OSBPL1A: variants seen among roughly 807,000 people sequenced by gnomAD.
The protein encoded by OSBPL1A is oxysterol binding protein like 1A.
A neutral mutation model predicts 137.1 loss-of-function variants in OSBPL1A; 80 were observed. The observed-to-expected ratio is 0.58, with a 90% confidence interval of 0.49 to 0.70. The LOEUF (loss-of-function observed/expected upper bound fraction) is 0.70, where lower values mean the gene tolerates loss of function less well. Among genes scored for constraint, OSBPL1A ranks in the 30% least tolerant of loss-of-function variants. The pLI, the probability that OSBPL1A is intolerant of heterozygous loss-of-function variation, is 0.00. For missense variants in OSBPL1A, 970 were observed against 1,129.4 expected (o/e 0.86, Z 2.02); for synonymous variants, 365 against 389.7 (o/e 0.94, Z 0.75).
chr18:24,264,180 C>T (rs1390004878), intron 15 of OSBPL1A, among the ~76,000 whole-genome samples: 1 of 152,076 alleles, frequency 6.6e-6, no homozygotes, highest in East Asian at 1.9e-4. Flanking sequence ...AACCACAAAC[C>T]AGGCTTTGAA....
intron 16 of OSBPL1A, among the ~76,000 whole-genome samples, chr18:24,231,009 C>T (rs557191487): frequency 2.0e-5 from 3 of 152,172 alleles, no homozygotes; most frequent in East Asian, 1.9e-4. Context: ...CACAGCTGCT[C>T]GGCAGGCTGA....
At chr18:24,275,151 T>C (rs1220330590) in intron 15 of OSBPL1A, among the ~76,000 whole-genome samples, 1 of 151,852 alleles carries the variant, frequency 6.6e-6, no homozygotes, top group Admixed American at 6.6e-5. Flanking sequence ...ACAGAAAGTA[T>C]CACATTTTCA....
chr18:24,328,447 A>G (rs2091019155), intron 7 of OSBPL1A, among the ~76,000 whole-genome samples: 1 of 151,952 alleles, frequency 6.6e-6, no homozygotes, highest in African/African-American at 2.4e-5. Context: ...GTCGAAAATT[A>G]AATCACCATA....
intron 4 of OSBPL1A, among the ~76,000 whole-genome samples, chr18:24,359,165 C>T (rs2091583123): frequency 6.6e-6 from 1 of 151,944 alleles, no homozygotes; most frequent in South Asian, 2.1e-4. Context: ...TTGCAGTGAG[C>T]TGAGATTGCA....
chr18:24,382,579 A>T (rs896530402), intron 1 of OSBPL1A, among the ~76,000 whole-genome samples: 3 of 151,666 alleles, frequency 2.0e-5, no homozygotes, highest in African/African-American at 2.4e-5. Flanking sequence ...TCTCAAAAAA[A>T]TTTTTTTTAA....
intron 2 of OSBPL1A, among the ~76,000 whole-genome samples, chr18:24,370,197 G>A (rs1905513958): frequency 6.6e-6 from 1 of 152,108 alleles, no homozygotes; most frequent in African/African-American, 2.4e-5. Flanking sequence ...TTCCAGCCTG[G>A]ACAACAAAGC....
At chr18:24,383,127 G>T (rs1173658730) in intron 1 of OSBPL1A, among the ~76,000 whole-genome samples, 1 of 141,096 alleles carries the variant, frequency 7.1e-6, no homozygotes, top group Non-Finnish European at 1.5e-5. Context: ...CACTATAAAG[G>T]CATTTTATAA....
chr18:24,314,400 C>T, intron 11 of OSBPL1A, 53 bp from the exon 12 acceptor site: 1 of 1,169,430 alleles, frequency 8.6e-7, no homozygotes. Flanking sequence ...AAAGAGGACC[C>T]TAAAATTATC....
Position 24,178,178 on chromosome 18 carries a change from C to CAATTCAATAAGTAGATTTATTTTT in OSBPL1A, c.1927_1928insAAAAATAAATCTACTTATTGAATT (p.Arg643delinsLysLysTer). Reference sequence around the variant, plus strand: ...ATGGCTGACCTGTTCGGAGATGAGTCTAAATCCAAGGTCATCTCTTAAGAT... The same window carrying CAATTCAATAAGTAGATTTATTTTT: ...ATGGCTGACCTGTTCGGAGATGAGTCAATTCAATAAGTAGATTTATTTTTTAAATCCAAGGTCATCTCTTAAGAT... On this transcript the variant is annotated stop_gained and protein_altering_variant, in exon 21 of 28. Coordinates refer to ENST00000319481, the MANE Select transcript of OSBPL1A (RefSeq NM_080597.4). LOFTEE classifies it high-confidence loss of function. The CAATTCAATAAGTAGATTTATTTTT allele has an allele frequency of 7.1e-7, 1 of 1,403,766 alleles. No individual in the cohort carries two copies. The highest frequency in any genetic ancestry group is 9.8e-7 in the Non-Finnish European group (1 of 1,021,802). 87.0% of individuals were successfully genotyped at this position (1,403,766 alleles called of 1,614,324 possible).
chr18:24,267,456 C>T (rs748335186), intron 15 of OSBPL1A, among the ~76,000 whole-genome samples: 1 of 152,008 alleles, frequency 6.6e-6, no homozygotes, highest in Non-Finnish European at 1.5e-5. Flanking sequence ...ATATTAAACC[C>T]TGATGAGGAC....
intron 27 of OSBPL1A, among the ~76,000 whole-genome samples, chr18:24,163,843 C>T (rs775016053): frequency 6.6e-6 from 1 of 152,054 alleles, no homozygotes; most frequent in Non-Finnish European, 1.5e-5. Flanking sequence ...AGCGATTCTC[C>T]TGCCTCAGCC....
intron 4 of OSBPL1A, among the ~76,000 whole-genome samples, chr18:24,353,355 A>C (rs1484845260): frequency 6.6e-6 from 1 of 152,214 alleles, no homozygotes; most frequent in African/African-American, 2.4e-5. Context: ...ATGCAAATCA[A>C]AACCACAATG....
chr18:24,193,719 G>A (rs1249225941), intron 18 of OSBPL1A, among the ~76,000 whole-genome samples: 1 of 152,132 alleles, frequency 6.6e-6, no homozygotes, highest in Non-Finnish European at 1.5e-5. Context: ...AACCTCAGCA[G>A]AAAGAAGTTT....
intron 15 of OSBPL1A, among the ~76,000 whole-genome samples, chr18:24,279,642 T>C (rs2089917579): frequency 6.6e-6 from 1 of 152,098 alleles, no homozygotes; most frequent in South Asian, 2.1e-4. Context: ...TAGACATATA[T>C]ATATAAATTA....
chr18:24,213,477 T>TC (rs901491102), intron 17 of OSBPL1A, among the ~76,000 whole-genome samples: 1 of 151,940 alleles, frequency 6.6e-6, no homozygotes, highest in Non-Finnish European at 1.5e-5. Context: ...ACTCAGAAGT[T>TC]CTACTGCTTG....
chr18:24,201,846 C>T (rs1036064441), intron 17 of OSBPL1A, among the ~76,000 whole-genome samples: 12 of 152,098 alleles, frequency 7.9e-5, no homozygotes, highest in Non-Finnish European at 1.5e-4. Context: ...TTTATCTACC[C>T]GCTGGACACT....
At chr18:24,294,359 G>A (rs2090251803) in intron 14 of OSBPL1A, among the ~76,000 whole-genome samples, 1 of 152,050 alleles carries the variant, frequency 6.6e-6, no homozygotes, top group Admixed American at 6.6e-5. Flanking sequence ...AGCCTCCTGA[G>A]TAGCGGGGAT....
At chr18:24,354,311 A>G (rs1673673359) in intron 4 of OSBPL1A, among the ~76,000 whole-genome samples, 1 of 152,124 alleles carries the variant, frequency 6.6e-6, no homozygotes, top group African/African-American at 2.4e-5. Flanking sequence ...CAAGACTAGC[A>G]ACTACTGAGA....
At chr18:24,254,974 G>A (rs1226359793) in intron 15 of OSBPL1A, among the ~76,000 whole-genome samples, 4 of 151,992 alleles carry the variant, frequency 2.6e-5, no homozygotes, top group Non-Finnish European at 5.9e-5. Context: ...AAGAAAAAAC[G>A]GGGGAAAACC....
Sources: gnomAD v4.1 joint callset for allele counts (sites outside exome capture counted in the v4.1 genomes callset) on GRCh38, gnomAD v4.1.1 for gene constraint, MANE v1.5 for transcripts, NCBI Gene and HGNC (gene_info 2026-07-23, HGNC 2026-07-21) for gene names.